The following AKAP6 variants were observed in gnomAD, a reference collection of about 807,000 sequenced individuals.
AKAP6 encodes A-kinase anchoring protein 6, also known as A-kinase anchor protein 6.
A neutral mutation model predicts 188.5 loss-of-function variants in AKAP6; 58 were observed. The ratio of observed to expected loss-of-function variants is 0.31; its 90% CI spans 0.25 to 0.38. The LOEUF is 0.38. Ranked by LOEUF, AKAP6 falls within the 10% of genes least tolerant of loss-of-function variation. AKAP6 has a pLI of 1.00. For missense variants in AKAP6, 2,710 were observed against 2,740.0 expected, an observed-to-expected ratio of 0.99 and a Z score of 0.24; for synonymous variants, 989 against 998.6, an observed-to-expected ratio of 0.99 and a Z score of 0.18.
intron 1 of AKAP6, among the ~76,000 whole-genome samples, chr14:32,358,037 A>G (rs1887539551): frequency 6.6e-6 from 1 of 152,204 alleles, no homozygotes; most frequent in Admixed American, 6.5e-5. Context: ...CATCCAAGTG[A>G]CTCTGAAACC....
intron 7 of AKAP6, among the ~76,000 whole-genome samples, chr14:32,632,322 C>T (rs1887308733): frequency 6.6e-6 from 1 of 151,946 alleles, no homozygotes; most frequent in South Asian, 2.1e-4. Context: ...ATTCATTTAG[C>T]CTTTGTCTAA....
intron 1 of AKAP6, among the ~76,000 whole-genome samples, chr14:32,347,355 A>G (rs1887103180): frequency 6.6e-6 from 1 of 152,218 alleles, no homozygotes; most frequent in African/African-American, 2.4e-5. Context: ...CTAAACTTTC[A>G]GCTTGCTAAA....
chr14:32,510,676 C>A (rs1881213739), intron 2 of AKAP6, among the ~76,000 whole-genome samples: 2 of 151,758 alleles, frequency 1.3e-5, no homozygotes, highest in African/African-American at 4.8e-5. Flanking sequence ...CTAAGATAGA[C>A]CTATTCTTTC....
At chr14:32,399,700 TA>T (rs1889017215) in intron 1 of AKAP6, among the ~76,000 whole-genome samples, 1 of 152,228 alleles carries the variant, frequency 6.6e-6, no homozygotes, top group South Asian at 2.1e-4. Context: ...TTGAGGATGA[TA>T]GAAGCTGGAT....
chr14:32,450,635 A>G (rs571463021), intron 2 of AKAP6, among the ~76,000 whole-genome samples: 3 of 152,330 alleles, frequency 2.0e-5, no homozygotes, highest in African/African-American at 7.2e-5. Flanking sequence ...CTCAGGATTA[A>G]TGATACTGAA....
At chr14:32,531,143 A>G (rs1251091571) in intron 2 of AKAP6, among the ~76,000 whole-genome samples, 4 of 152,214 alleles carry the variant, frequency 2.6e-5, no homozygotes, top group Admixed American at 2.0e-4. Flanking sequence ...TGGTGCTATT[A>G]TGCTATATGT....
intron 13 of AKAP6, among the ~76,000 whole-genome samples, chr14:32,826,828 T>A (rs906062710): frequency 1.3e-5 from 2 of 152,224 alleles, no homozygotes; most frequent in African/African-American, 4.8e-5. Context: ...CCAGCCCGTC[T>A]GCCAGTCAGC....
chr14:32,615,480 C>G (rs944758677), intron 7 of AKAP6, among the ~76,000 whole-genome samples: 1 of 150,468 alleles, frequency 6.6e-6, no homozygotes, highest in Non-Finnish European at 1.5e-5. Flanking sequence ...AACAAATTCT[C>G]TCTTAATGAA....
chr14:32,353,836 C>A (rs1053680582), intron 1 of AKAP6, among the ~76,000 whole-genome samples: 2 of 151,726 alleles, frequency 1.3e-5, no homozygotes, highest in Admixed American at 1.3e-4. Flanking sequence ...AGAGCCAAAT[C>A]ATGAGTGAAT....
chr14:32,371,627 A>C (rs2138520160), intron 1 of AKAP6, among the ~76,000 whole-genome samples: 1 of 152,276 alleles, frequency 6.6e-6, no homozygotes, highest in East Asian at 1.9e-4. Context: ...TTCTATAAAA[A>C]TTGGTGACAT....
intron 4 of AKAP6, among the ~76,000 whole-genome samples, chr14:32,560,898 G>T (rs1423567382): frequency 6.6e-6 from 1 of 152,126 alleles, no homozygotes; most frequent in African/African-American, 2.4e-5. Flanking sequence ...AAACTGTCGG[G>T]CAGAATGCTA....
chr14:32,493,959 A>G (rs1324421698), intron 2 of AKAP6, among the ~76,000 whole-genome samples: 1 of 152,086 alleles, frequency 6.6e-6, no homozygotes, highest in African/African-American at 2.4e-5. Context: ...AAGGAGAGTC[A>G]CGAGGCTTCT....
chr14:32,787,781 T>C (rs193250312), intron 12 of AKAP6, among the ~76,000 whole-genome samples: 159 of 152,276 alleles, frequency 1.0e-3, no homozygotes, highest in Non-Finnish European at 1.6e-3. Context: ...CAAAAAGCTC[T>C]TTCAAAGTAA....
intron 5 of AKAP6, among the ~76,000 whole-genome samples, chr14:32,578,915 A>T (rs1270433951): frequency 6.6e-6 from 1 of 151,990 alleles, no homozygotes; most frequent in African/African-American, 2.4e-5. Flanking sequence ...CTTACTTGGC[A>T]TCCTTATGTT....
intron 1 of AKAP6, among the ~76,000 whole-genome samples, chr14:32,332,867 T>C (rs1470108170): frequency 1.3e-5 from 2 of 152,092 alleles, no homozygotes; most frequent in African/African-American, 4.8e-5. Flanking sequence ...GACAGTCTTG[T>C]GTAATAACCT....
At chr14:32,329,705 T>C (rs73270779) in intron 1 of AKAP6, among the ~76,000 whole-genome samples, 1,921 of 152,276 alleles carry the variant, frequency 0.013, 45 homozygotes, top group African/African-American at 0.044. Context: ...CCAGATAAGC[T>C]TTAAAATGAG....
At chr14:32,654,823 TG>T (rs1888386900) in intron 7 of AKAP6, among the ~76,000 whole-genome samples, 1 of 150,648 alleles carries the variant, frequency 6.6e-6, no homozygotes, top group Non-Finnish European at 1.5e-5. Context: ...CACTCCAGTC[TG>T]GGTGACAGGG....
chr14:32,745,517 CTG>C (rs1750009137), intron 11 of AKAP6, among the ~76,000 whole-genome samples: 4 of 150,758 alleles, frequency 2.7e-5, no homozygotes, highest in African/African-American at 9.9e-5. Flanking sequence ...CTCTCTCTCT[CTG>C]TCTGTCTCTC....
chr14:32,347,579 A>G (rs1887109140), intron 1 of AKAP6, among the ~76,000 whole-genome samples: 1 of 152,238 alleles, frequency 6.6e-6, no homozygotes, highest in South Asian at 2.1e-4. Context: ...TTGGATTATC[A>G]TTTTACAGAC....
Sources: allele counts gnomAD v4.1 joint callset (sites outside exome capture counted in the v4.1 genomes callset), GRCh38; gene constraint gnomAD v4.1.1; transcripts MANE v1.5; gene names NCBI Gene and HGNC (gene_info 2026-07-23, HGNC 2026-07-21).